Variants in EGFLAM observed in about 807,000 individuals in gnomAD.
EGFLAM encodes EGF like, fibronectin type III and laminin G domains.
EGFLAM carries 79 observed loss-of-function variants against 113.1 expected under a neutral mutation model. The observed-to-expected ratio is 0.70, with a 90% CI of 0.58 to 0.84. The LOEUF (loss-of-function observed/expected upper bound fraction) is 0.84. EGFLAM is among the 40% of genes least tolerant of loss of function. EGFLAM has a pLI of 0.00. For missense variants in EGFLAM, 1,265 were observed against 1,291.6 expected, an observed-to-expected ratio of 0.98 and a Z score of 0.32; for synonymous variants, 504 against 487.6, an observed-to-expected ratio of 1.03 and a Z score of -0.44.
chr5:38,459,726 G>A (rs1743211008), intron 20 of EGFLAM, among the ~76,000 whole-genome samples: 1 of 149,682 alleles, frequency 6.7e-6, no homozygotes, highest in Admixed American at 6.6e-5. Context: ...CTGCAATGGG[G>A]AGAGACTTGC....
chr5:38,444,608 A>G (rs1742648275), intron 17 of EGFLAM, among the ~76,000 whole-genome samples: 1 of 152,172 alleles, frequency 6.6e-6, no homozygotes, highest in South Asian at 2.1e-4. Context: ...ATTTTTTTCA[A>G]TAAAATAAAA....
intron 1 of EGFLAM, among the ~76,000 whole-genome samples, chr5:38,318,689 A>C (rs886369992): frequency 7.9e-5 from 12 of 151,928 alleles, no homozygotes; most frequent in African/African-American, 2.9e-4. Context: ...GTTTTTAGTA[A>C]AGACGGCATT....
intron 1 of EGFLAM, among the ~76,000 whole-genome samples, chr5:38,328,671 C>T (rs138928335): frequency 0.012 from 1,810 of 146,572 alleles, 40 homozygotes; most frequent in African/African-American, 0.042. Context: ...TGTATTTCTT[C>T]GGTAACTAGC....
chr5:38,403,602 A>C (rs1411198221), intron 6 of EGFLAM: 2 of 520,450 alleles, frequency 3.8e-6, no homozygotes, highest in African/African-American at 1.9e-5. Flanking sequence ...TATGCCAGAC[A>C]GAGGGATGAT....
At chr5:38,415,458 G>A (rs774548520) in intron 11 of EGFLAM, among the ~76,000 whole-genome samples, 24 of 152,166 alleles carry the variant, frequency 1.6e-4, no homozygotes, top group Non-Finnish European at 3.4e-4. Flanking sequence ...CAAGGCAGGA[G>A]GATCACTTGA....
At chr5:38,269,095 C>T (rs1403561320) in intron 1 of EGFLAM, among the ~76,000 whole-genome samples, 2 of 152,144 alleles carry the variant, frequency 1.3e-5, no homozygotes, top group African/African-American at 2.4e-5. Flanking sequence ...GGGAGGATCA[C>T]CTGAGCTCAG....
chr5:38,326,901 C>T (rs573827301), intron 1 of EGFLAM, among the ~76,000 whole-genome samples: 2 of 150,984 alleles, frequency 1.3e-5, no homozygotes, highest in South Asian at 2.1e-4. Flanking sequence ...CAGGTTCAAG[C>T]GATTCTCCTG....
intron 1 of EGFLAM, among the ~76,000 whole-genome samples, chr5:38,272,077 C>G (rs1757778699): frequency 6.6e-6 from 1 of 152,142 alleles, no homozygotes; most frequent in African/African-American, 2.4e-5. Context: ...AGTGAATGCC[C>G]CAGGGAGTCA....
At chr5:38,354,584 G>A (rs1197273942) in intron 5 of EGFLAM, among the ~76,000 whole-genome samples, 3 of 152,034 alleles carry the variant, frequency 2.0e-5, no homozygotes, top group African/African-American at 7.2e-5. Flanking sequence ...TAAAAAATTA[G>A]CTGGGCATGG....
intron 3 of EGFLAM, among the ~76,000 whole-genome samples, chr5:38,344,300 A>G (rs1327557479): frequency 6.6e-6 from 1 of 152,202 alleles, no homozygotes; most frequent in Non-Finnish European, 1.5e-5. Context: ...AGCCTGGCCA[A>G]TGTGGTGAAA....
At chr5:38,441,563 A>G (rs1430987787) in intron 17 of EGFLAM, among the ~76,000 whole-genome samples, 4 of 151,752 alleles carry the variant, frequency 2.6e-5, no homozygotes. Context: ...GTAAAAAACT[A>G]AGTTCTGAGG....
intron 1 of EGFLAM, 68 bp downstream of exon 1, chr5:38,258,919 C>A (rs531850800): frequency 4.0e-6 from 6 of 1,491,796 alleles, no homozygotes; most frequent in South Asian, 2.5e-5. Context: ...GGCGAGGACA[C>A]AGAGCGGGCA....
chr5:38,259,166 G>A (rs1176544915), intron 1 of EGFLAM, among the ~76,000 whole-genome samples: 2 of 152,214 alleles, frequency 1.3e-5, no homozygotes, highest in Admixed American at 6.5e-5. Context: ...ACAGAGGATG[G>A]CAACCATGCA....
chr5:38,441,593 T>TAC (rs3048229), intron 17 of EGFLAM, among the ~76,000 whole-genome samples: 13,244 of 147,584 alleles, frequency 0.09, 646 homozygotes, highest in African/African-American at 0.14. Context: ...CGCTGCTTTG[T>TAC]ACACACACAC....
At position 38,425,096 on chromosome 5, in the gene EGFLAM, A is replaced by C. The variant is rs1361390455; in HGVS notation, c.1810+4A>C. The C allele has an allele frequency of 9.3e-6, 15 of 1,612,614 alleles. No individual in the cohort carries two copies. The highest frequency in any genetic ancestry group is 1.3e-5 in the Non-Finnish European group (15 of 1,179,054). On this transcript the variant is annotated splice_donor_region_variant and intron_variant, in intron 13 of 21. Coordinates refer to ENST00000322350, the MANE Select transcript of EGFLAM (RefSeq NM_152403.4). ...AAAGGTCGACACTGTGAAGATGGTG[A>C]GAAAGAAGCAAGTTGAAGGCGGTTT... is the stretch of plus-strand genomic sequence containing the variant.
chr5:38,448,239 T>G, intron 17 of EGFLAM, 62 bp from the exon 18 acceptor site: 1 of 1,544,442 alleles, frequency 6.5e-7, no homozygotes, highest in East Asian at 2.2e-5. Flanking sequence ...CTGCCATGTG[T>G]GTGAGTGCAG....
chr5:38,371,782 G>T (rs551201370), intron 6 of EGFLAM, among the ~76,000 whole-genome samples: 49 of 152,340 alleles, frequency 3.2e-4, no homozygotes, highest in African/African-American at 1.2e-3. Flanking sequence ...CTTCCTAGAA[G>T]AAATGTTGAT....
chr5:38,377,168 C>A (rs995182156), intron 6 of EGFLAM, among the ~76,000 whole-genome samples: 2 of 151,226 alleles, frequency 1.3e-5, no homozygotes, highest in African/African-American at 4.9e-5. Context: ...GTCACCCAGG[C>A]TGGAGTGCAG....
intron 12 of EGFLAM, among the ~76,000 whole-genome samples, chr5:38,422,730 T>C (rs1306523788): frequency 1.3e-5 from 2 of 152,082 alleles, no homozygotes; most frequent in Non-Finnish European, 2.9e-5. Context: ...AAATGTGCAA[T>C]AAATGGAAGG....
Sources: allele counts gnomAD v4.1 joint callset (sites outside exome capture counted in the v4.1 genomes callset), GRCh38; gene constraint gnomAD v4.1.1; transcripts MANE v1.5; gene names NCBI Gene and HGNC (gene_info 2026-07-23, HGNC 2026-07-21).